Variants in OR4F5 observed in about 807,000 individuals in gnomAD.
OR4F5 encodes the protein olfactory receptor family 4 subfamily F member 5.
OR4F5 carries 1 observed loss-of-function variant against 5.8 expected under a neutral mutation model. The ratio of observed to expected loss-of-function variants is 0.17; its 90% CI spans 0.06 to 0.82. The LOEUF (loss-of-function observed/expected upper bound fraction) is 0.82. Among genes scored for constraint, OR4F5 ranks in the 40% least tolerant of loss-of-function variants. The pLI is 0.72. For synonymous variants in OR4F5, 18 were observed against 63.7 expected (o/e 0.28, Z 3.42); for missense variants, 47 against 175.5 (o/e 0.27, Z 4.14).
chr1:66,285 T>A (rs1639938301), intron 2 of OR4F5, among the ~76,000 whole-genome samples: 1 of 41,442 alleles, frequency 2.4e-5, no homozygotes, highest in Admixed American at 4.6e-4. Flanking sequence ...AATTATATTA[T>A]ATAATATATA....
intron 2 of OR4F5, among the ~76,000 whole-genome samples, chr1:66,257 TAATATAAATATAATATAA>T (rs1557435271): frequency 9.1e-5 from 3 of 32,788 alleles, no homozygotes; most frequent in African/African-American, 4.0e-4. Flanking sequence ...ATATAATATA[TAATATAAATATAATATAA>T]ATTATATTAT....
chr1:66,479 T>TAA (rs1639946641), intron 2 of OR4F5, among the ~76,000 whole-genome samples: 1 of 55,570 alleles, frequency 1.8e-5, no homozygotes, highest in Non-Finnish European at 4.1e-5. Context: ...ATATATTATA[T>TAA]ATTTATAGAA....
At chr1:66,433 AT>A (rs1639944690) in intron 2 of OR4F5, among the ~76,000 whole-genome samples, 1 of 55,384 alleles carries the variant, frequency 1.8e-5, no homozygotes, top group East Asian at 2.6e-4. Context: ...ATATAAATAT[AT>A]ATTATATTAT....
At chr1:66,604 A>T (rs1295952180) in intron 2 of OR4F5, among the ~76,000 whole-genome samples, 1 of 92,452 alleles carries the variant, frequency 1.1e-5, no homozygotes. Context: ...ATATTTATAT[A>T]TTATATAAAT....
At chr1:66,381 T>A (rs538833530) in intron 2 of OR4F5, among the ~76,000 whole-genome samples, 3,416 of 64,632 alleles carry the variant, frequency 0.053, 174 homozygotes, top group African/African-American at 0.18. Context: ...ATATATAAAT[T>A]ATATAATATA....
At chr1:66,208 T>C (rs1639934025) in intron 2 of OR4F5, among the ~76,000 whole-genome samples, 2 of 79,354 alleles carry the variant, frequency 2.5e-5, no homozygotes, top group African/African-American at 7.4e-5. Flanking sequence ...ATATTACATA[T>C]TATATATATA....
chr1:65,911 T>C (rs1282018396), intron 2 of OR4F5, among the ~76,000 whole-genome samples: 1 of 109,096 alleles, frequency 9.2e-6, no homozygotes, highest in Non-Finnish European at 2.1e-5. Flanking sequence ...CTTACCCACC[T>C]CCTTCCCTCC....
chr1:66,363 TA>T (rs1484453560), intron 2 of OR4F5, among the ~76,000 whole-genome samples: 281 of 14,698 alleles, frequency 0.019, 5 homozygotes, highest in South Asian at 0.031. Context: ...ATATATTATA[TA>T]AATATAATAT....
chr1:66,577 A>C (rs866127229), intron 2 of OR4F5, among the ~76,000 whole-genome samples: 741 of 56,036 alleles, frequency 0.013, 4 homozygotes, highest in South Asian at 0.032. Context: ...AATATGTATA[A>C]TATATATTAT....
chr1:67,475 A>T (rs1208571942), intron 2 of OR4F5, among the ~76,000 whole-genome samples: 4 of 95,402 alleles, frequency 4.2e-5, no homozygotes, highest in African/African-American at 1.2e-4. Flanking sequence ...TCCAAAAAAG[A>T]TGGCAAGTGT....
intron 2 of OR4F5, among the ~76,000 whole-genome samples, chr1:68,370 T>G (rs1304547493): frequency 3.8e-5 from 4 of 104,852 alleles, no homozygotes; most frequent in African/African-American, 1.1e-4. Flanking sequence ...TCCCTTCCAA[T>G]TCACATTGAG....
At chr1:68,642 A>G (rs1639968986) in intron 2 of OR4F5, among the ~76,000 whole-genome samples, 1 of 19,870 alleles carries the variant, frequency 5.0e-5, no homozygotes, top group African/African-American at 9.0e-5. Context: ...TCTATTTTTT[A>G]TCTTTCATTT....
At chr1:66,457 T>A (rs13328655) in intron 2 of OR4F5, among the ~76,000 whole-genome samples, 3,234 of 57,144 alleles carry the variant, frequency 0.057, 88 homozygotes, top group African/African-American at 0.18. Context: ...AATATATATT[T>A]TATTATATAA....
Position 67,334 on chromosome 1 carries a change from A to G in OR4F5, c.10-1703A>G, listed in dbSNP as rs1371137920. Among the ~76,000 whole-genome samples the G allele has an allele frequency of 1.9e-5, 2 of 107,372 alleles. 1 individual carries two copies. Among genetic ancestry groups the G allele is most frequent in the Non-Finnish European group, 4.7e-5 (2 of 42,942 alleles). The allele number at this position is 107,372 out of a possible 152,430, so 70.4% of individuals were successfully genotyped here. On this transcript the variant is annotated intron_variant, in intron 2 of 2. Transcript: ENST00000641515. ...ACTAAATTTTTATAGGACTTTAAAA[A>G]CAGTAATGTGCTGCTTTGAGTGTGT... is the stretch of plus-strand genomic sequence containing the variant.
intron 2 of OR4F5, among the ~76,000 whole-genome samples, chr1:66,210 ATATATATAATATATAT>A: frequency 1.3e-5 from 1 of 75,058 alleles, no homozygotes; most frequent in Non-Finnish European, 3.0e-5. Context: ...ATTACATATT[ATATATATAATATATAT>A]TATATAATAT....
chr1:66,359 T>A (rs1208709969), intron 2 of OR4F5, among the ~76,000 whole-genome samples: 1 of 19,850 alleles, frequency 5.0e-5, no homozygotes, highest in African/African-American at 1.3e-4. Context: ...TAATATATAT[T>A]ATATAAATAT....
intron 2 of OR4F5, among the ~76,000 whole-genome samples, chr1:66,876 T>G (rs78937995): frequency 0.083 from 8,615 of 104,306 alleles, 348 homozygotes; most frequent in East Asian, 0.31. Context: ...GCAGCACAAA[T>G]TCAGGAGAGA....
intron 2 of OR4F5, among the ~76,000 whole-genome samples, chr1:66,521 T>TATA (rs1557435835): frequency 4.0e-5 from 2 of 49,692 alleles, no homozygotes; most frequent in African/African-American, 6.2e-5. Context: ...TAATATATAT[T>TATA]ATATAATATA....
Position 66,814 on chromosome 1 carries a change from A to T in OR4F5, c.9+1241A>T, listed in dbSNP as rs528293035. ...TTCTAATTTTTTTTGAATAATTTTT[A>T]AAAAGTCAGAAATGAGCTTTGAAAG... On this transcript the variant is annotated intron_variant, in intron 2 of 2. Transcript: ENST00000641515. Among the ~76,000 whole-genome samples, 7 of 87,040 alleles carry T rather than the reference A, an allele frequency of 8.0e-5. 1 individual carries two copies. The highest frequency in any genetic ancestry group is 7.4e-4 in the Admixed American group (6 of 8,068). The allele number at this position is 87,040 out of a possible 152,430, so 57.1% of individuals were successfully genotyped here. A position where few individuals can be genotyped will look rare whatever the true frequency, so the allele number is the denominator to read the frequency against.
Sources: allele counts gnomAD v4.1 joint callset (sites outside exome capture counted in the v4.1 genomes callset), GRCh38; gene constraint gnomAD v4.1.1; transcripts MANE v1.5; gene names NCBI Gene and HGNC (gene_info 2026-07-23, HGNC 2026-07-21).